The following PTGDS variants were observed in gnomAD, a reference collection of about 807,000 sequenced individuals.
PTGDS encodes the protein prostaglandin D2 synthase, also known as prostaglandin-H2 D-isomerase.
A neutral mutation model predicts 28.4 loss-of-function variants in PTGDS; 21 were observed. That is an observed-to-expected ratio of 0.74 (90% CI 0.52 to 1.07). The LOEUF is 1.07. PTGDS is among the 50% of genes least tolerant of loss of function. The probability of loss-of-function intolerance (pLI) is 0.00; values close to 1 mark genes in which losing one functional copy is unlikely to be tolerated. For synonymous variants in PTGDS, 102 were observed against 106.0 expected (o/e 0.96, Z 0.23); for missense variants, 243 against 247.7 (o/e 0.98, Z 0.13).
chr9:136,980,519 A>C (rs932018512), intron 5 of PTGDS, among the ~76,000 whole-genome samples: 4 of 152,222 alleles, frequency 2.6e-5, no homozygotes, highest in African/African-American at 9.6e-5. Flanking sequence ...AGGCCCCAGC[A>C]GCTCCCAGGA....
chr9:136,979,164 G>T (rs368301064), intron 2 of PTGDS, 32 bp downstream of exon 2: 109 of 1,612,868 alleles, frequency 6.8e-5, no homozygotes, highest in Non-Finnish European at 9.0e-5. Context: ...TTTCTGGGAC[G>T]GAGAGGTCCA....
chr9:136,980,414 G>C (rs977599052), intron 5 of PTGDS, 130 bp downstream of exon 5: 2 of 1,058,668 alleles, frequency 1.9e-6, no homozygotes, highest in Non-Finnish European at 2.7e-6. Context: ...AGGGACAGAG[G>C]GGGTGAGTGT....
At chr9:136,980,944 A>G in intron 6 of PTGDS, 89 bp downstream of exon 6, 1 of 1,481,626 alleles carries the variant, frequency 6.7e-7, no homozygotes, top group Non-Finnish European at 9.0e-7. Context: ...GGGATGGATC[A>G]GGGCCCCAGG....
intron 5 of PTGDS, 93 bp from the exon 6 acceptor site, chr9:136,980,740 G>A (rs762273449): frequency 1.4e-5 from 23 of 1,613,502 alleles, no homozygotes; most frequent in Non-Finnish European, 1.8e-5. Flanking sequence ...CAGTCAAGAC[G>A]AGCTCTGCGT....
intron 3 of PTGDS, 37 bp downstream of exon 3, chr9:136,979,336 T>C: frequency 4.4e-6 from 7 of 1,594,962 alleles, no homozygotes; most frequent in Non-Finnish European, 6.0e-6. Flanking sequence ...GGGCCCAGCC[T>C]GGGGGCGACA....
intron 6 of PTGDS, 45 bp downstream of exon 6, chr9:136,980,900 A>ATTCC (rs1174307159): frequency 6.3e-7 from 1 of 1,580,718 alleles, no homozygotes; most frequent in Non-Finnish European, 8.6e-7. Flanking sequence ...TCATTCATTC[A>ATTCC]TTCAACACAC....
In PTGDS at chr9:136,980,251, A is replaced by T. The variant is rs1830433493; in HGVS notation, c.517A>T (p.Thr173Ser). ...CGCCTTCTGCAAGGCCCAGGGCTTC[A>T]CAGAGGATACCATTGTCTTCCTGCC... The part of the protein sequence containing the change: ...FTAFCKAQGF[T>S]EDTIVFLPQT... The change falls in exon 5 of 7, where the codon ACA (threonine) becomes TCA (serine). Residue 173 changes from threonine (T) to serine (S), a missense_variant. Transcript: ENST00000371625. The T allele has an allele frequency of 6.2e-7, 1 of 1,613,954 alleles. No individual in the cohort carries two copies. Among genetic ancestry groups the T allele is most frequent in the Non-Finnish European group, 8.5e-7 (1 of 1,179,986 alleles).
At chr9:136,980,315 T>A in intron 5 of PTGDS, 31 bp downstream of exon 5, 1 of 1,607,826 alleles carries the variant, frequency 6.2e-7, no homozygotes, top group Non-Finnish European at 8.5e-7. Context: ...GGGGAGAGGA[T>A]CAAGGTCAGA....
intron 1 of PTGDS, among the ~76,000 whole-genome samples, chr9:136,978,479 T>G (rs928516814): frequency 6.7e-4 from 5 of 7,442 alleles, no homozygotes; most frequent in Admixed American, 1.6e-3. Context: ...GAGGGGGAAG[T>G]GGGGCGTGGT....
intron 3 of PTGDS, 94 bp from the exon 4 acceptor site, chr9:136,979,852 G>C (rs1413819376): frequency 1.7e-6 from 2 of 1,202,410 alleles, no homozygotes; most frequent in East Asian, 4.7e-5. Flanking sequence ...GAGGGGCTGA[G>C]TGCCCCCAAA....
chr9:136,979,121 C>T lies in PTGDS; in HGVS notation c.243C>T (p.Ser81=), dbSNP rs11552180. 8.1e-6 allele frequency: 13 copies of T among 1,612,526 alleles called. No homozygotes were observed. Among genetic ancestry groups the T allele is most frequent in the East Asian group, 2.2e-5 (1 of 44,900 alleles). Reference sequence around the variant, plus strand: ...CGGATGGTGGCCTCAACCTGACCTCCACCTTCCTCAGGTGGGACAGCGGGC... The same window carrying T: ...CGGATGGTGGCCTCAACCTGACCTCTACCTTCCTCAGGTGGGACAGCGGGC... The part of the protein sequence containing the change: ...PATDGGLNLT[S]TFLRKNQCET... The change falls in exon 2 of 7, where the codon TCC becomes TCT. Residue 81 remains serine (S), a synonymous_variant. Coordinates refer to ENST00000371625, the MANE Select transcript of PTGDS (RefSeq NM_000954.6).
intron 3 of PTGDS, 122 bp from the exon 4 acceptor site, chr9:136,979,824 G>C: frequency 2.2e-6 from 2 of 926,680 alleles, no homozygotes; most frequent in Non-Finnish European, 3.5e-6. Flanking sequence ...CCGGGTGGGG[G>C]AGCATCCCGG....
intron 3 of PTGDS, 193 bp from the exon 4 acceptor site, chr9:136,979,753 T>C: frequency 3.0e-6 from 2 of 661,748 alleles, no homozygotes; most frequent in South Asian, 3.6e-5. Context: ...CCCCAGATTC[T>C]GGTTTGGGGA....
In PTGDS at chr9:136,979,040, G is replaced by C; in HGVS notation, c.162G>C (p.Trp54Cys). ...FSAGLASNSS[W>C]LREKKAALSM... ...CGGGCCTCGCCTCCAACTCGAGCTG[G>C]CTCCGGGAGAAGAAGGCGGCGTTGT... Residue 54 changes from tryptophan (W) to cysteine (C), a missense_variant, in exon 2 of 7, where the codon TGG (tryptophan) becomes TGC (cysteine). Coordinates refer to ENST00000371625, the MANE Select transcript of PTGDS (RefSeq NM_000954.6). The C allele has an allele frequency of 6.2e-7, 1 of 1,608,784 alleles. No homozygotes were observed.
chr9:136,978,933 G>A (rs757757759), intron 1 of PTGDS, 60 bp from the exon 2 acceptor site: 12 of 1,586,012 alleles, frequency 7.6e-6, no homozygotes, highest in South Asian at 5.6e-5. Context: ...CGCCCCCGCA[G>A]GTAGGCGCAG....
intron 1 of PTGDS, among the ~76,000 whole-genome samples, chr9:136,978,314 G>C (rs965775431): frequency 6.6e-6 from 1 of 152,038 alleles, no homozygotes; most frequent in African/African-American, 2.4e-5. Flanking sequence ...GCACAGAATC[G>C]GGACCGGGGG....
intron 5 of PTGDS, 62 bp downstream of exon 5, chr9:136,980,346 T>C: frequency 6.4e-7 from 1 of 1,551,006 alleles, no homozygotes; most frequent in South Asian, 1.1e-5. Flanking sequence ...GCAGGCAGTC[T>C]CCTGACTGGG....
intron 4 of PTGDS, 48 bp downstream of exon 4, chr9:136,980,110 G>A: frequency 6.2e-7 from 1 of 1,606,112 alleles, no homozygotes; most frequent in African/African-American, 1.3e-5. Context: ...ACCAGAGGGG[G>A]CTCCCCAAGA....
At position 136,977,504 on chromosome 9, in the gene PTGDS, G is replaced by A. The variant is rs1022325527; in HGVS notation, c.-75G>A. 10 of 1,144,294 alleles carry A rather than the reference G, an allele frequency of 8.7e-6. No homozygotes were observed. Among genetic ancestry groups the A allele is most frequent in the Admixed American group, 5.4e-5 (2 of 36,720 alleles). 70.9% of individuals were successfully genotyped at this position (1,144,294 alleles called of 1,614,324 possible). On this transcript the variant is annotated 5_prime_UTR_variant, in exon 1 of 7. Transcript: ENST00000371625. Reference sequence around the variant, plus strand: ...AATAGGGGTCTCCTCAGTGCCCTCCGCTCCTCCTGCACACCTCCCTCGCTC... The same window carrying A: ...AATAGGGGTCTCCTCAGTGCCCTCCACTCCTCCTGCACACCTCCCTCGCTC...
Sources: allele counts gnomAD v4.1 joint callset (sites outside exome capture counted in the v4.1 genomes callset), GRCh38; gene constraint gnomAD v4.1.1; transcripts MANE v1.5; gene names NCBI Gene and HGNC (gene_info 2026-07-23, HGNC 2026-07-21).